The following LDLRAD3 variants were observed in gnomAD, a reference collection of about 807,000 sequenced individuals.
The protein encoded by LDLRAD3 is low-density lipoprotein receptor class A domain-containing protein 3.
Under a neutral mutation model 29.4 loss-of-function variants are expected in LDLRAD3, and 20 were observed. The observed-to-expected ratio is 0.68, with a 90% confidence interval of 0.48 to 0.99. The LOEUF (loss-of-function observed/expected upper bound fraction) is 0.99, where lower values mean the gene tolerates loss of function less well. Among genes scored for constraint, LDLRAD3 ranks in the 50% least tolerant of loss-of-function variants. The probability of loss-of-function intolerance (pLI) is 0.00; values close to 1 mark genes in which losing one functional copy is unlikely to be tolerated. For synonymous variants in LDLRAD3, 157 were observed against 192.7 expected, an observed-to-expected ratio of 0.81 and a Z score of 1.53; for missense variants, 420 against 454.3, an observed-to-expected ratio of 0.92 and a Z score of 0.69.
chr11:36,177,222 A>G (rs1205719703), intron 4 of LDLRAD3, among the ~76,000 whole-genome samples: 2 of 151,940 alleles, frequency 1.3e-5, no homozygotes, highest in Non-Finnish European at 2.9e-5. Flanking sequence ...TTCATATCCT[A>G]TATTACTTTT....
intron 1 of LDLRAD3, among the ~76,000 whole-genome samples, chr11:35,984,709 G>A (rs961568780): frequency 6.6e-6 from 1 of 152,050 alleles, no homozygotes; most frequent in African/African-American, 2.4e-5. Context: ...TTGGCTCACC[G>A]CAGCCTCCGC....
intron 4 of LDLRAD3, among the ~76,000 whole-genome samples, chr11:36,223,673 G>A (rs541352399): frequency 2.6e-5 from 4 of 152,014 alleles, no homozygotes; most frequent in East Asian, 1.9e-4. Flanking sequence ...AACCAAGATC[G>A]CGCCACTGCA....
intron 4 of LDLRAD3, among the ~76,000 whole-genome samples, chr11:36,209,092 A>G (rs1405797209): frequency 6.6e-6 from 1 of 152,148 alleles, no homozygotes; most frequent in Non-Finnish European, 1.5e-5. Flanking sequence ...CATCAGAAAA[A>G]CCCAAATTGA....
intron 1 of LDLRAD3, among the ~76,000 whole-genome samples, chr11:36,025,387 A>C (rs1457690717): frequency 6.9e-6 from 1 of 144,854 alleles, no homozygotes; most frequent in African/African-American, 2.5e-5. Flanking sequence ...TGCTGGCTTC[A>C]GATTTTTTTT....
At chr11:36,228,661 T>C (rs1300274085) in intron 5 of LDLRAD3, among the ~76,000 whole-genome samples, 1 of 152,264 alleles carries the variant, frequency 6.6e-6, no homozygotes, top group East Asian at 1.9e-4. Context: ...ATGTCTTTTC[T>C]GTTAAATTCA....
intron 4 of LDLRAD3, among the ~76,000 whole-genome samples, chr11:36,169,304 A>T (rs1008894184): frequency 6.6e-6 from 1 of 152,214 alleles, no homozygotes; most frequent in Non-Finnish European, 1.5e-5. Flanking sequence ...GAACATGCCA[A>T]ATCATCTCTT....
chr11:36,163,896 A>G (rs1429910925), intron 4 of LDLRAD3, among the ~76,000 whole-genome samples: 1 of 152,236 alleles, frequency 6.6e-6, no homozygotes, highest in East Asian at 1.9e-4. Context: ...GCACTGAATG[A>G]GCCACCTCAA....
At chr11:36,207,022 G>A (rs1007960046) in intron 4 of LDLRAD3, among the ~76,000 whole-genome samples, 5 of 152,210 alleles carry the variant, frequency 3.3e-5, no homozygotes, top group South Asian at 2.1e-4. Flanking sequence ...CACTGCACCC[G>A]ACCCTGATTC....
In LDLRAD3 at chr11:36,118,611, C is replaced by T. The variant is rs117329903; in HGVS notation, c.454+20150C>T. Among the ~76,000 whole-genome samples the T allele has an allele frequency of 3.3e-4, 50 of 152,102 alleles. No homozygotes were observed. In the East Asian group the frequency reaches 9.6e-3, roughly 29 times the overall value. ...CTGAACTGGATTCAATTTGGGGGTC[C>T]TGAGCACCACTACAGAAGGTATCAG... is the stretch of plus-strand genomic sequence containing the variant. On this transcript the variant is annotated intron_variant, in intron 4 of 5. Coordinates refer to ENST00000315571, the MANE Select transcript of LDLRAD3 (RefSeq NM_174902.4).
intron 2 of LDLRAD3, among the ~76,000 whole-genome samples, chr11:36,053,073 A>G (rs920923815): frequency 6.6e-6 from 1 of 151,956 alleles, no homozygotes; most frequent in Non-Finnish European, 1.5e-5. Flanking sequence ...CACCTGAGCC[A>G]TGGGGGCTTG....
chr11:36,015,134 C>T (rs1852004605), intron 1 of LDLRAD3, among the ~76,000 whole-genome samples: 1 of 152,234 alleles, frequency 6.6e-6, no homozygotes, highest in Non-Finnish European at 1.5e-5. Flanking sequence ...TTAAGCCGAG[C>T]TTCAGTAGAT....
Position 36,229,496 on chromosome 11 carries a change from G to A in LDLRAD3, c.*99G>A, listed in dbSNP as rs4755444. 536,089 of 794,550 alleles carry A rather than the reference G, an allele frequency of 0.67. 183,955 individuals are homozygous for A. The highest frequency in any genetic ancestry group is 0.78 in the East Asian group (31,796 of 40,662). 49.2% of individuals were successfully genotyped at this position (794,550 alleles called of 1,614,324 possible). A position where few individuals can be genotyped will look rare whatever the true frequency, so the allele number is the denominator to read the frequency against. ...GGAAGCTCTTTAAGCACCTGTAAGG[G>A]TGTCTCAAGTTACAGTTTGGGATAT... On this transcript the variant is annotated 3_prime_UTR_variant, in exon 6 of 6. Coordinates refer to ENST00000315571, the MANE Select transcript of LDLRAD3 (RefSeq NM_174902.4).
intron 4 of LDLRAD3, among the ~76,000 whole-genome samples, chr11:36,156,062 TAG>T (rs1418585981): frequency 2.0e-5 from 3 of 152,212 alleles, no homozygotes; most frequent in Non-Finnish European, 2.9e-5. Flanking sequence ...GAGCAGTTTT[TAG>T]AGACTCCATA....
At chr11:36,070,773 G>C (rs781141534) in intron 2 of LDLRAD3, among the ~76,000 whole-genome samples, 3 of 152,150 alleles carry the variant, frequency 2.0e-5, no homozygotes, top group Non-Finnish European at 4.4e-5. Context: ...GCTGCAGGTG[G>C]ATCACTGACT....
intron 4 of LDLRAD3, among the ~76,000 whole-genome samples, chr11:36,144,997 G>A (rs1277982146): frequency 1.0e-4 from 11 of 105,886 alleles, no homozygotes; most frequent in African/African-American, 2.1e-4. Flanking sequence ...TCAGCCCCCC[G>A]CCCTGCCAGC....
rs115075573 is a variant in LDLRAD3, at chr11:36,003,786, A to C, written c.47-32317A>C. Among the ~76,000 whole-genome samples, 781 of 152,338 alleles carry C rather than the reference A, an allele frequency of 5.1e-3. 4 individuals are homozygous for C. Among genetic ancestry groups the C allele is most frequent in the African/African-American group, 0.018 (749 of 41,576 alleles). ...AAGAAAAGAGGTTTAGTTGACTCACAGTTCCATAGGTTTAACAGAAAGCAT... is the reference window on the plus strand; with the variant it reads ...AAGAAAAGAGGTTTAGTTGACTCACCGTTCCATAGGTTTAACAGAAAGCAT... On this transcript the variant is annotated intron_variant, in intron 1 of 5. Transcript: ENST00000315571.
intron 4 of LDLRAD3, among the ~76,000 whole-genome samples, chr11:36,188,081 A>G (rs1359835532): frequency 1.3e-5 from 2 of 151,946 alleles, no homozygotes; most frequent in African/African-American, 2.4e-5. Context: ...ATTAACCCCT[A>G]TTTTCTTACT....
intron 3 of LDLRAD3, among the ~76,000 whole-genome samples, chr11:36,097,905 A>G (rs1004173874): frequency 4.6e-5 from 7 of 152,228 alleles, no homozygotes; most frequent in Non-Finnish European, 1.0e-4. Context: ...GAGACTAGAA[A>G]GTTCTAAAAA....
chr11:36,083,927 C>CT (rs914582564), intron 3 of LDLRAD3, among the ~76,000 whole-genome samples: 11 of 151,106 alleles, frequency 7.3e-5, no homozygotes, highest in Non-Finnish European at 1.0e-4. Flanking sequence ...TTAATTTTCT[C>CT]TTTTTTTTTG....
Sources: gnomAD v4.1 joint callset for allele counts (sites outside exome capture counted in the v4.1 genomes callset) on GRCh38, gnomAD v4.1.1 for gene constraint, MANE v1.5 for transcripts, NCBI Gene and HGNC (gene_info 2026-07-23, HGNC 2026-07-21) for gene names.